Variants in TSHZ2 observed in about 807,000 individuals in gnomAD.
TSHZ2 encodes teashirt zinc finger homeobox 2.
In TSHZ2, 21 loss-of-function variants were observed where a neutral mutation model predicts 74.4. The observed-to-expected ratio is 0.28, with a 90% CI of 0.20 to 0.41. The LOEUF (loss-of-function observed/expected upper bound fraction) is 0.41. TSHZ2 is among the 10% of genes least tolerant of loss of function. The pLI is 1.00. For synonymous variants in TSHZ2, 540 were observed against 515.3 expected (o/e 1.05, Z -0.65); for missense variants, 1,244 against 1,293.5 (o/e 0.96, Z 0.59).
intron 1 of TSHZ2, among the ~76,000 whole-genome samples, chr20:52,986,768 A>T (rs1981781169): frequency 6.6e-6 from 1 of 152,240 alleles, no homozygotes; most frequent in South Asian, 2.1e-4. Flanking sequence ...TTGTTGTCTG[A>T]TTACCATCAA....
chr20:53,421,693 T>TTTG (rs1228277658), intron 2 of TSHZ2: 1 of 142,914 alleles, frequency 7.0e-6, no homozygotes, highest in Non-Finnish European at 1.5e-5. Context: ...TTTTTTTTTT[T>TTTG]TTTTTTTTTT....
chr20:53,001,426 G>A (rs931938928), intron 1 of TSHZ2, among the ~76,000 whole-genome samples: 11 of 152,190 alleles, frequency 7.2e-5, no homozygotes, highest in Admixed American at 6.5e-4. Context: ...AAGGAGAAAG[G>A]ATTCATGACC....
At chr20:53,389,547 G>A (rs1982173631) in intron 2 of TSHZ2, among the ~76,000 whole-genome samples, 2 of 152,238 alleles carry the variant, frequency 1.3e-5, no homozygotes, top group African/African-American at 2.4e-5. Context: ...AATGCTAGGA[G>A]GAGGTGACAG....
intron 1 of TSHZ2, among the ~76,000 whole-genome samples, chr20:53,054,975 C>T (rs1467643069): frequency 2.0e-5 from 3 of 152,162 alleles, no homozygotes; most frequent in Non-Finnish European, 4.4e-5. Flanking sequence ...GGTCAGTTCT[C>T]TCAAGGGAAG....
At chr20:53,040,382 T>C (rs1161753482) in intron 1 of TSHZ2, among the ~76,000 whole-genome samples, 3 of 152,036 alleles carry the variant, frequency 2.0e-5, no homozygotes, top group Non-Finnish European at 4.4e-5. Flanking sequence ...GTGGGGTAAG[T>C]GGTGCAAAGG....
At chr20:53,412,507 A>C (rs1983089064) in intron 2 of TSHZ2, 1 of 152,228 alleles carries the variant, frequency 6.6e-6, no homozygotes, top group Admixed American at 6.5e-5. Flanking sequence ...CACAACCATC[A>C]CCACCATCCA....
chr20:53,069,428 T>A (rs1985097166), intron 1 of TSHZ2, among the ~76,000 whole-genome samples: 1 of 152,104 alleles, frequency 6.6e-6, no homozygotes, highest in African/African-American at 2.4e-5. Context: ...AATTAATGAT[T>A]TATCCTATTA....
At chr20:53,397,922 T>G (rs1324674392) in intron 2 of TSHZ2, 1 of 151,770 alleles carries the variant, frequency 6.6e-6, no homozygotes, top group African/African-American at 2.4e-5. Context: ...TAGGTGGGAA[T>G]TGCACAATGA....
At chr20:53,034,820 C>A (rs1983760910) in intron 1 of TSHZ2, among the ~76,000 whole-genome samples, 1 of 152,192 alleles carries the variant, frequency 6.6e-6, no homozygotes, top group Non-Finnish European at 1.5e-5. Flanking sequence ...CAAGAGCCCA[C>A]TCCTGCAGGA....
At chr20:53,022,754 A>G (rs577455509) in intron 1 of TSHZ2, among the ~76,000 whole-genome samples, 3 of 152,364 alleles carry the variant, frequency 2.0e-5, no homozygotes, top group African/African-American at 7.2e-5. Flanking sequence ...TTGTACATAC[A>G]TCTAACATGA....
At chr20:53,090,270 C>T (rs1337883534) in intron 1 of TSHZ2, among the ~76,000 whole-genome samples, 3 of 152,184 alleles carry the variant, frequency 2.0e-5, no homozygotes, top group Non-Finnish European at 4.4e-5. Flanking sequence ...GTGGGTCTGC[C>T]TCTCCCACAC....
At chr20:53,393,665 A>AAC (rs113428598) in intron 2 of TSHZ2, among the ~76,000 whole-genome samples, 80,409 of 148,382 alleles carry the variant, frequency 0.54, 21,748 homozygotes, top group Non-Finnish European at 0.59. Context: ...TACACACGCA[A>AAC]ACACACACAC....
intron 2 of TSHZ2, among the ~76,000 whole-genome samples, chr20:53,310,855 T>C (rs2145500442): frequency 6.6e-6 from 1 of 152,328 alleles, no homozygotes; most frequent in South Asian, 2.1e-4. Context: ...CCGTATTCTA[T>C]TGGTTAAAAG....
chr20:53,282,153 T>C (rs1352376363), intron 2 of TSHZ2, among the ~76,000 whole-genome samples: 1 of 152,214 alleles, frequency 6.6e-6, no homozygotes, highest in Non-Finnish European at 1.5e-5. Flanking sequence ...TCCCCAAAGT[T>C]ACCTTTGTGA....
At chr20:53,464,383 GA>G (rs1161715656) in intron 2 of TSHZ2, among the ~76,000 whole-genome samples, 1 of 152,192 alleles carries the variant, frequency 6.6e-6, no homozygotes, top group Non-Finnish European at 1.5e-5. Flanking sequence ...TGTGGAGTAG[GA>G]ACTGTCTAGG....
chr20:53,090,447 A>G (rs748178694), intron 1 of TSHZ2, among the ~76,000 whole-genome samples: 1 of 152,238 alleles, frequency 6.6e-6, no homozygotes, highest in African/African-American at 2.4e-5. Flanking sequence ...GAGTCAGGGC[A>G]TGAAGCCATG....
At chr20:53,475,497 G>A (rs1298799778) in intron 2 of TSHZ2, among the ~76,000 whole-genome samples, 4 of 107,896 alleles carry the variant, frequency 3.7e-5, no homozygotes, top group Admixed American at 1.9e-4. Flanking sequence ...TCTCTGGGAC[G>A]CATTCAAAGC....
At position 53,235,060 on chromosome 20, in the gene TSHZ2, T is replaced by C. The variant is rs2123680105; in HGVS notation, c.41-18439T>C. Among the ~76,000 whole-genome samples the C allele has an allele frequency of 1.4e-5, 2 of 146,472 alleles. 1 individual carries two copies. The highest frequency in any genetic ancestry group is 1.4e-4 in the Admixed American group (2 of 14,122). ...GTCCCCTAGGAGCGCACCTCGTCAC[T>C]TAATGTCTCATTGCAGAAAGTTGAG... On this transcript the variant is annotated intron_variant, in intron 1 of 2. Coordinates refer to ENST00000371497, the MANE Select transcript of TSHZ2 (RefSeq NM_173485.6).
chr20:53,057,727 AG>A (rs1600669269), intron 1 of TSHZ2, among the ~76,000 whole-genome samples: 2 of 152,346 alleles, frequency 1.3e-5, no homozygotes, highest in East Asian at 1.9e-4. Flanking sequence ...GGACACTCAC[AG>A]AAACAGTGAT....
Sources: allele counts gnomAD v4.1 joint callset (sites outside exome capture counted in the v4.1 genomes callset), GRCh38; gene constraint gnomAD v4.1.1; transcripts MANE v1.5; gene names NCBI Gene and HGNC (gene_info 2026-07-23, HGNC 2026-07-21).